ADGRG4: variants seen among roughly 807,000 people sequenced by gnomAD.
ADGRG4 encodes the protein adhesion G protein-coupled receptor G4.
A neutral mutation model predicts 126.2 loss-of-function variants in ADGRG4; 122 were observed. The ratio of observed to expected loss-of-function variants is 0.97; its 90% CI spans 0.83 to 1.12. The LOEUF is 1.12. Ranked by LOEUF, ADGRG4 falls within the 50% of genes most tolerant of loss-of-function variation. The pLI is 0.00. For synonymous variants in ADGRG4, 943 were observed against 838.7 expected (o/e 1.12, Z -2.15); for missense variants, 2,481 against 2,251.8 (o/e 1.10, Z -2.06).
intron 5 of ADGRG4, among the ~76,000 whole-genome samples, chrX:136,338,117 A>G (rs181843183): frequency 9.3e-6 from 1 of 107,472 alleles, no homozygotes; most frequent in Non-Finnish European, 1.9e-5. Flanking sequence ...TCGTCTTAAA[A>G]ATTTGGTTTT....
intron 15 of ADGRG4, among the ~76,000 whole-genome samples, chrX:136,379,845 T>A (rs2075249114): frequency 9.0e-6 from 1 of 110,979 alleles, no homozygotes; most frequent in Admixed American, 9.6e-5. Context: ...CTACTCTAGG[T>A]ACCTCATGTA....
In ADGRG4 at chrX:136,347,557, T is replaced by C. The variant is rs200417004; in HGVS notation, c.3851T>C (p.Phe1284Ser). Reference sequence around the variant, plus strand: ...GAAATGTCCCCATCAAAGAATTCTTTTATTTCATACTCCCGGGGTACTCCA... The same window carrying C: ...GAAATGTCCCCATCAAAGAATTCTTCTATTTCATACTCCCGGGGTACTCCA... ...VTEMSPSKNS[F>S]ISYSRGTPSL... is the part of the protein sequence containing the mutation. The change falls in exon 6 of 26, where the codon TTT becomes TCT. Residue 1284 changes from phenylalanine to serine, a missense_variant. Phe to Ser is a radical substitution (Grantham distance 155). Coordinates refer to ENST00000394143, the MANE Select transcript of ADGRG4 (RefSeq NM_153834.4). 5 of 1,207,116 alleles carry C rather than the reference T, an allele frequency of 4.1e-6. No individual in the cohort carries two copies. In the Admixed American group the frequency reaches 6.6e-5, roughly 16 times the overall value.
intron 16 of ADGRG4, among the ~76,000 whole-genome samples, chrX:136,390,673 A>G (rs2075314973): frequency 8.9e-6 from 1 of 112,015 alleles, no homozygotes; most frequent in African/African-American, 3.2e-5. Flanking sequence ...ACTTGAGCCT[A>G]CAGTGCAAAG....
At chrX:136,406,320 A>C (rs763428349) in intron 23 of ADGRG4, among the ~76,000 whole-genome samples, 1 of 112,317 alleles carries the variant, frequency 8.9e-6, no homozygotes, top group Non-Finnish European at 1.9e-5. Flanking sequence ...AAAAACATTA[A>C]AGTTTTGACC....
At chrX:136,316,304 G>A (rs1603291054) in intron 4 of ADGRG4, among the ~76,000 whole-genome samples, 1 of 110,482 alleles carries the variant, frequency 9.1e-6, no homozygotes, top group Non-Finnish European at 1.9e-5. Flanking sequence ...GAGAAACTTT[G>A]CCTTCTAAGA....
chrX:136,336,079 T>A (rs1293199935), intron 5 of ADGRG4, among the ~76,000 whole-genome samples: 1 of 112,371 alleles, frequency 8.9e-6, no homozygotes, highest in Non-Finnish European at 1.9e-5. Flanking sequence ...TAAAATAGTT[T>A]TATTTAATTC....
intron 17 of ADGRG4, among the ~76,000 whole-genome samples, chrX:136,393,085 GA>G (rs2075328071): frequency 9.0e-6 from 1 of 111,547 alleles, no homozygotes; most frequent in Non-Finnish European, 1.9e-5. Flanking sequence ...CAGTTTCCTG[GA>G]GACTACAGGA....
rs931736519 is a variant in ADGRG4 at position 136,347,270 on chromosome X, A to G, written c.3564A>G (p.Pro1188=). 4 of 1,211,203 alleles carry G rather than the reference A, an allele frequency of 3.3e-6. No individual in the cohort carries two copies. Among genetic ancestry groups the G allele is most frequent in the Non-Finnish European group, 4.5e-6 (4 of 895,155 alleles). The change falls in exon 6 of 26, where the codon CCA becomes CCG. Residue 1188 remains proline (P), a synonymous_variant. Coordinates refer to ENST00000394143, the MANE Select transcript of ADGRG4 (RefSeq NM_153834.4). The part of the protein sequence containing the change: ...EETSTYALSF[P]YTFSGGGVVA... ...CTTCTACCTATGCTCTCAGCTTCCC[A>G]TATACTTTCAGTGGTGGTGGAGTTG...
At chrX:136,322,285 A>C (rs752779779) in intron 4 of ADGRG4, among the ~76,000 whole-genome samples, 3 of 112,193 alleles carry the variant, frequency 2.7e-5, no homozygotes, top group Non-Finnish European at 5.6e-5. Context: ...CCCCAGAGAC[A>C]GAATAAATCA....
intron 21 of ADGRG4, among the ~76,000 whole-genome samples, chrX:136,401,567 A>G (rs1243398925): frequency 8.9e-6 from 1 of 111,858 alleles, no homozygotes; most frequent in Non-Finnish European, 1.9e-5. Flanking sequence ...GACTGGCTCA[A>G]TCAGTAAAGA....
At chrX:136,385,499 C>T (rs775237603) in intron 15 of ADGRG4, among the ~76,000 whole-genome samples, 67 of 111,911 alleles carry the variant, frequency 6.0e-4, no homozygotes, top group African/African-American at 2.1e-3. Flanking sequence ...TTCCTCTCTC[C>T]ATTAATTGCA....
rs199501897 is a variant in ADGRG4 at position 136,405,829 on chromosome X, G to C, written c.8792G>C (p.Arg2931Pro). 1 of 1,208,263 alleles carries C rather than the reference G, an allele frequency of 8.3e-7. No homozygotes were observed. Among genetic ancestry groups the C allele is most frequent in the Non-Finnish European group, 1.1e-6 (1 of 894,388 alleles). ...GTGAAATCCCAAATCCAGAAGACTC[G>C]GCGGAAGATGATCCTGCATGACCTC... is the stretch of plus-strand genomic sequence containing the variant. ...NSVKSQIQKT[R>P]RKMILHDLKG... Residue 2931 changes from arginine to proline, a missense_variant, in exon 23 of 26, where the codon CGG (arginine) becomes CCG (proline). Arg to Pro is a moderately radical substitution (Grantham distance 103). Coordinates refer to ENST00000394143, the MANE Select transcript of ADGRG4 (RefSeq NM_153834.4).
At chrX:136,303,773 C>T (rs1188780830) in intron 1 of ADGRG4, among the ~76,000 whole-genome samples, 1 of 111,078 alleles carries the variant, frequency 9.0e-6, no homozygotes, top group Non-Finnish European at 1.9e-5. Context: ...ATGGTTGAGC[C>T]CCAAATTCAA....
At chrX:136,389,070 A>G (rs956895669) in intron 16 of ADGRG4, among the ~76,000 whole-genome samples, 1 of 111,571 alleles carries the variant, frequency 9.0e-6, no homozygotes. Flanking sequence ...CAAATATACC[A>G]TGTCACCTCC....
chrX:136,413,691 C>T (rs2075459361), intron 24 of ADGRG4, among the ~76,000 whole-genome samples: 1 of 111,156 alleles, frequency 9.0e-6, no homozygotes, highest in African/African-American at 3.3e-5. Flanking sequence ...CCTTCAGGTA[C>T]CCGGAATGAA....
intron 15 of ADGRG4, among the ~76,000 whole-genome samples, chrX:136,379,569 TCTC>T (rs1350122471): frequency 2.8e-5 from 3 of 107,038 alleles, no homozygotes; most frequent in Admixed American, 1.0e-4. Context: ...TCTCTATTCT[TCTC>T]CTCTTCTTCC....
chrX:136,311,191 C>T (rs1361509228), intron 4 of ADGRG4, among the ~76,000 whole-genome samples: 1 of 110,872 alleles, frequency 9.0e-6, no homozygotes, highest in Non-Finnish European at 1.9e-5. Context: ...TAATTACTTT[C>T]CAAAGGCCAC....
At chrX:136,382,256 A>G (rs960135089) in intron 15 of ADGRG4, among the ~76,000 whole-genome samples, 1 of 112,026 alleles carries the variant, frequency 8.9e-6, no homozygotes, top group Non-Finnish European at 1.9e-5. Context: ...CAACACAAAT[A>G]CTATTACATA....
chrX:136,333,727 A>G (rs1184253792), intron 5 of ADGRG4, among the ~76,000 whole-genome samples: 1 of 110,737 alleles, frequency 9.0e-6, no homozygotes, highest in Admixed American at 9.6e-5. Context: ...CATGCTGGCC[A>G]GGCTGGTCTC....
Sources: allele counts gnomAD v4.1 joint callset (sites outside exome capture counted in the v4.1 genomes callset), GRCh38; gene constraint gnomAD v4.1.1; transcripts MANE v1.5; gene names NCBI Gene and HGNC (gene_info 2026-07-23, HGNC 2026-07-21).